DOCK4: variants seen among roughly 807,000 people sequenced by gnomAD.
DOCK4 encodes dedicator of cytokinesis 4.
DOCK4 carries 97 observed loss-of-function variants against 268.1 expected under a neutral mutation model. That is an observed-to-expected ratio of 0.36 (90% CI 0.31 to 0.43). The LOEUF is 0.43. Among genes scored for constraint, DOCK4 ranks in the 20% least tolerant of loss-of-function variants. The pLI, the probability that DOCK4 is intolerant of heterozygous loss-of-function variation, is 1.00. For missense variants in DOCK4, 2,145 were observed against 2,455.7 expected (o/e 0.87, Z 2.67); for synonymous variants, 954 against 887.2 (o/e 1.08, Z -1.34).
chr7:112,015,298 C>T (rs2135383194), intron 1 of DOCK4, among the ~76,000 whole-genome samples: 1 of 152,346 alleles, frequency 6.6e-6, no homozygotes, highest in East Asian at 1.9e-4. Flanking sequence ...CCTACATGGT[C>T]TAAAGGGGAA....
At chr7:112,074,874 A>C (rs2135688249) in intron 1 of DOCK4, among the ~76,000 whole-genome samples, 1 of 152,298 alleles carries the variant, frequency 6.6e-6, no homozygotes, top group East Asian at 1.9e-4. Context: ...TTCTCTTCTC[A>C]GAGATCTATT....
At chr7:112,027,345 C>A (rs551057386) in intron 1 of DOCK4, among the ~76,000 whole-genome samples, 1 of 152,142 alleles carries the variant, frequency 6.6e-6, no homozygotes, top group Non-Finnish European at 1.5e-5. Flanking sequence ...CCGCCTCAGC[C>A]TCCCAAGCAG....
chr7:112,175,152 C>T (rs1396152701), intron 1 of DOCK4, among the ~76,000 whole-genome samples: 3 of 151,898 alleles, frequency 2.0e-5, no homozygotes, highest in East Asian at 1.9e-4. Context: ...TGTGAGTCAC[C>T]GCGCCCAGCC....
chr7:111,834,742 C>T lies in DOCK4; in HGVS notation c.2737-56G>A, dbSNP rs1453349821. The T allele has an allele frequency of 9.1e-6, 11 of 1,211,500 alleles. No individual in the cohort carries two copies. The East Asian group carries it at 1.5e-4, about 17-fold the overall frequency. 75.0% of individuals were successfully genotyped at this position (1,211,500 alleles called of 1,614,324 possible). On this transcript the variant is annotated intron_variant, in intron 25 of 52. Transcript: ENST00000428084. ...TATTTTTAGTAAGGACGTAAAAGAA[C>T]ATCAGTAACTTACACTGAACTGTCC...
chr7:112,054,199 G>A lies in DOCK4; in HGVS notation c.38-50068C>T, dbSNP rs546657521. 9.7e-4 allele frequency among the ~76,000 whole-genome samples: 147 copies of A among 152,178 alleles called. 5 individuals carry two copies. In the South Asian group the frequency reaches 0.029, roughly 30 times the overall value. On this transcript the variant is annotated intron_variant, in intron 1 of 52. Coordinates refer to ENST00000428084, the MANE Select transcript of DOCK4 (RefSeq NM_001363540.2). ...AATAAAAACCAAAGTAACATATTTG[G>A]AACTGTGAGGTACAGGAAATGAGTA...
intron 1 of DOCK4, among the ~76,000 whole-genome samples, chr7:112,018,198 C>CATGTGGCTTAT (rs1389312183): frequency 8.0e-6 from 1 of 124,280 alleles, no homozygotes; most frequent in Non-Finnish European, 1.6e-5. Flanking sequence ...AACCAGTATT[C>CATGTGGCTTAT]ATGTGGCTTA....
At chr7:112,015,543 C>CT (rs889483019) in intron 1 of DOCK4, among the ~76,000 whole-genome samples, 3 of 152,120 alleles carry the variant, frequency 2.0e-5, no homozygotes, top group Non-Finnish European at 2.9e-5. Flanking sequence ...CAAGAACCCT[C>CT]TCTTGGGGTC....
At chr7:112,044,918 T>C (rs781285696) in intron 1 of DOCK4, among the ~76,000 whole-genome samples, 2 of 152,178 alleles carry the variant, frequency 1.3e-5, no homozygotes, top group Non-Finnish European at 2.9e-5. Context: ...CCTCAGACCA[T>C]GAGCCTCTTC....
intron 8 of DOCK4, among the ~76,000 whole-genome samples, chr7:111,947,843 C>T (rs910039579): frequency 6.6e-6 from 1 of 152,144 alleles, no homozygotes; most frequent in Non-Finnish European, 1.5e-5. Flanking sequence ...CCTGCCTCAG[C>T]TTCCAGAGTA....
intron 1 of DOCK4, among the ~76,000 whole-genome samples, chr7:112,075,432 A>T (rs1385439613): frequency 1.3e-5 from 2 of 152,206 alleles, no homozygotes; most frequent in Non-Finnish European, 2.9e-5. Context: ...TTCATAGAGG[A>T]ATCATCACCT....
chr7:111,739,525 C>A, intron 47 of DOCK4, 48 bp from the exon 48 acceptor site: 1 of 1,477,620 alleles, frequency 6.8e-7, no homozygotes, highest in Non-Finnish European at 9.2e-7. Context: ...AAAGGCTTCC[C>A]ACGACACTGA....
At chr7:111,979,121 T>C (rs1798418105) in intron 7 of DOCK4, among the ~76,000 whole-genome samples, 1 of 152,224 alleles carries the variant, frequency 6.6e-6, no homozygotes, top group South Asian at 2.1e-4. Flanking sequence ...AACTGCCGAA[T>C]GACCAAATGA....
At chr7:111,796,245 C>T (rs1358017423) in intron 30 of DOCK4, among the ~76,000 whole-genome samples, 3 of 152,162 alleles carry the variant, frequency 2.0e-5, no homozygotes, top group Non-Finnish European at 2.9e-5. Context: ...ATTATCTAGC[C>T]AGACATACAG....
chr7:111,867,920 G>A (rs1806106939), intron 22 of DOCK4, 64 bp downstream of exon 22: 11 of 1,357,498 alleles, frequency 8.1e-6, no homozygotes, highest in East Asian at 2.7e-5. Flanking sequence ...TTACGCTGCT[G>A]TGTAAAAATA....
chr7:112,042,869 T>A (rs1160473436), intron 1 of DOCK4, among the ~76,000 whole-genome samples: 3 of 152,218 alleles, frequency 2.0e-5, no homozygotes, highest in Admixed American at 1.3e-4. Flanking sequence ...GAGAGTGTGT[T>A]AATCTCATGG....
At position 112,128,274 on chromosome 7, in the gene DOCK4, C is replaced by T. The variant is rs28648499; in HGVS notation, c.37+77828G>A. Among the ~76,000 whole-genome samples, 432 of 151,850 alleles carry T rather than the reference C, an allele frequency of 2.8e-3. 1 individual carries two copies. The highest frequency in any genetic ancestry group is 9.9e-3 in the African/African-American group (408 of 41,410). On this transcript the variant is annotated intron_variant, in intron 1 of 52. Transcript: ENST00000428084. ...CTCAGCCCCTCTGCCCGGCCAGCCG[C>T]CCCGTCCGGGAGGGAGGTGGGGGGG...
intron 23 of DOCK4, among the ~76,000 whole-genome samples, chr7:111,857,905 G>A (rs751019116): frequency 3.3e-5 from 5 of 152,210 alleles, no homozygotes; most frequent in South Asian, 2.1e-4. Context: ...AAATCTGGGG[G>A]AGAAAGGGAA....
chr7:111,783,018 G>GAAAAAAAAAAAAA, intron 34 of DOCK4, 94 bp from the exon 35 acceptor site: 9 of 512,466 alleles, frequency 1.8e-5, no homozygotes, highest in South Asian at 6.8e-5. Context: ...AAGAAAGAAA[G>GAAAAAAAAAAAAA]AAAAAAAAAA....
At chr7:111,826,315 A>G (rs527963960) in intron 26 of DOCK4, among the ~76,000 whole-genome samples, 31 of 152,312 alleles carry the variant, frequency 2.0e-4, no homozygotes, top group African/African-American at 7.0e-4. Flanking sequence ...AGATAGACAT[A>G]TTTCATAACT....
Sources: allele counts gnomAD v4.1 joint callset (sites outside exome capture counted in the v4.1 genomes callset), GRCh38; gene constraint gnomAD v4.1.1; transcripts MANE v1.5; gene names NCBI Gene and HGNC (gene_info 2026-07-23, HGNC 2026-07-21).